The following GLI3 variants were observed in gnomAD, a reference collection of about 807,000 sequenced individuals.
GLI3 encodes transcription activator GLI3.
Under a neutral mutation model 100.8 loss-of-function variants are expected in GLI3, and 20 were observed. The observed-to-expected ratio is 0.20, with a 90% CI of 0.14 to 0.29. The LOEUF (loss-of-function observed/expected upper bound fraction) is 0.29, where lower values mean the gene tolerates loss of function less well. Among genes scored for constraint, GLI3 ranks in the 10% least tolerant of loss-of-function variants. The pLI is 1.00. For synonymous variants in GLI3, 938 were observed against 860.5 expected (o/e 1.09, Z -1.58); for missense variants, 2,040 against 2,128.5 (o/e 0.96, Z 0.82).
chr7:42,042,115 C>A (rs183921246), intron 6 of GLI3, among the ~76,000 whole-genome samples: 68 of 150,922 alleles, frequency 4.5e-4, no homozygotes, highest in Non-Finnish European at 8.2e-4. Context: ...CGAGTTCAAG[C>A]GATTCTTCTG....
chr7:42,183,864 C>T (rs1787667525), intron 2 of GLI3, among the ~76,000 whole-genome samples: 1 of 152,122 alleles, frequency 6.6e-6, no homozygotes, highest in Admixed American at 6.5e-5. Flanking sequence ...AGCTCTCCTC[C>T]TGCCCCACAT....
chr7:41,986,779 C>T (rs1007522407), intron 10 of GLI3, among the ~76,000 whole-genome samples: 12 of 151,550 alleles, frequency 7.9e-5, no homozygotes, highest in South Asian at 4.2e-4. Context: ...TCAAAACATA[C>T]GAATTGCTGT....
intron 1 of GLI3, among the ~76,000 whole-genome samples, chr7:42,249,524 G>T (rs1267541043): frequency 6.6e-6 from 1 of 152,100 alleles, no homozygotes; most frequent in Non-Finnish European, 1.5e-5. Flanking sequence ...AACCCAGAAA[G>T]ATTTAGTTTC....
chr7:42,175,197 C>A (rs540695120), intron 2 of GLI3, among the ~76,000 whole-genome samples: 1 of 152,170 alleles, frequency 6.6e-6, no homozygotes, highest in African/African-American at 2.4e-5. Flanking sequence ...TTGGGATTCA[C>A]CATTGATGCT....
intron 2 of GLI3, among the ~76,000 whole-genome samples, chr7:42,202,080 C>CAAA (rs35682171): frequency 7.1e-4 from 65 of 92,102 alleles, no homozygotes; most frequent in African/African-American, 1.7e-3. Context: ...GACTCCGTCT[C>CAAA]AAAAAAAAAA....
intron 10 of GLI3, among the ~76,000 whole-genome samples, chr7:42,019,382 TCA>T (rs1362951380): frequency 6.6e-6 from 1 of 152,028 alleles, no homozygotes. Context: ...ACCTCAAACA[TCA>T]AAGACCCAAA....
At chr7:42,250,771 G>T (rs1260108458) in intron 1 of GLI3, among the ~76,000 whole-genome samples, 1 of 152,152 alleles carries the variant, frequency 6.6e-6, no homozygotes, top group African/African-American at 2.4e-5. Flanking sequence ...CGGGTGGGGG[G>T]GCTGCCATTT....
intron 10 of GLI3, among the ~76,000 whole-genome samples, chr7:41,988,293 C>T (rs2128716782): frequency 6.6e-6 from 1 of 152,184 alleles, no homozygotes; most frequent in East Asian, 1.9e-4. Flanking sequence ...GAAACCCTGT[C>T]TCTACTAAAA....
chr7:42,057,366 C>T (rs1784484228), intron 4 of GLI3, among the ~76,000 whole-genome samples: 1 of 152,124 alleles, frequency 6.6e-6, no homozygotes, highest in Non-Finnish European at 1.5e-5. Context: ...GGATTTAGGC[C>T]AACAGGAACT....
At position 41,961,213 on chromosome 7, in the gene GLI3, A is replaced by T. The variant is rs1002324437; in HGVS notation, c.*3117T>A. ...AAAGGATTACACATTTTATTTTTTAAAAAAATCTAAAAAAGGTGAAAAAAA... is the reference window on the plus strand; with the variant it reads ...AAAGGATTACACATTTTATTTTTTATAAAAATCTAAAAAAGGTGAAAAAAA... On this transcript the variant is annotated 3_prime_UTR_variant, in exon 15 of 15. Coordinates refer to ENST00000395925, the MANE Select transcript of GLI3 (RefSeq NM_000168.6). 1 of 152,652 alleles carries T rather than the reference A, an allele frequency of 6.6e-6. No individual in the cohort carries two copies. Among genetic ancestry groups the T allele is most frequent in the African/African-American group, 2.4e-5 (1 of 41,454 alleles). 9.5% of individuals were successfully genotyped at this position (152,652 alleles called of 1,614,324 possible). A position where few individuals can be genotyped will look rare whatever the true frequency, so the allele number is the denominator to read the frequency against.
intron 1 of GLI3, among the ~76,000 whole-genome samples, chr7:42,234,949 T>G (rs867307789): frequency 1.3e-5 from 2 of 152,242 alleles, no homozygotes; most frequent in South Asian, 2.1e-4. Flanking sequence ...CTGGCCAAAG[T>G]GTTTGTGTAC....
At chr7:41,993,713 C>A (rs1026314286) in intron 10 of GLI3, among the ~76,000 whole-genome samples, 2 of 152,140 alleles carry the variant, frequency 1.3e-5, no homozygotes, top group Non-Finnish European at 2.9e-5. Context: ...TTGAAAACAA[C>A]AAGCTTTGGA....
chr7:42,187,885 C>T (rs1174230736), intron 2 of GLI3, among the ~76,000 whole-genome samples: 2 of 151,512 alleles, frequency 1.3e-5, no homozygotes, highest in Non-Finnish European at 2.9e-5. Context: ...CACCTGTAAT[C>T]CCATCTACTC....
chr7:42,106,922 G>A (rs1785589781), intron 3 of GLI3, among the ~76,000 whole-genome samples: 1 of 152,104 alleles, frequency 6.6e-6, no homozygotes, highest in Non-Finnish European at 1.5e-5. Context: ...AGGGGGCGGT[G>A]GGGAGGGCGG....
chr7:42,059,364 G>A (rs945889267), intron 4 of GLI3, among the ~76,000 whole-genome samples: 1 of 151,138 alleles, frequency 6.6e-6, no homozygotes, highest in Non-Finnish European at 1.5e-5. Context: ...GAGTTGGTAA[G>A]AAGGATAAAA....
intron 3 of GLI3, among the ~76,000 whole-genome samples, chr7:42,131,315 G>C (rs1006336515): frequency 6.6e-6 from 1 of 152,096 alleles, no homozygotes; most frequent in Non-Finnish European, 1.5e-5. Flanking sequence ...GTTGGGGAGT[G>C]GGGGGATGTA....
intron 3 of GLI3, among the ~76,000 whole-genome samples, chr7:42,132,263 G>A (rs889080690): frequency 5.1e-5 from 4 of 78,148 alleles, no homozygotes; most frequent in Non-Finnish European, 4.6e-5. Context: ...ACTACGCCCG[G>A]CTAATTTTTT....
chr7:41,968,963 C>G (rs1011603942), intron 13 of GLI3, among the ~76,000 whole-genome samples: 1 of 152,132 alleles, frequency 6.6e-6, no homozygotes, highest in Admixed American at 6.5e-5. Flanking sequence ...TTAATCTAGT[C>G]CACCGTAGTC....
intron 4 of GLI3, among the ~76,000 whole-genome samples, chr7:42,054,342 T>C (rs1210480277): frequency 6.6e-6 from 1 of 152,196 alleles, no homozygotes; most frequent in African/African-American, 2.4e-5. Context: ...AATGCCAAGA[T>C]TAAAATCACA....
Sources: gnomAD v4.1 joint callset for allele counts (sites outside exome capture counted in the v4.1 genomes callset) on GRCh38, gnomAD v4.1.1 for gene constraint, MANE v1.5 for transcripts, NCBI Gene and HGNC (gene_info 2026-07-23, HGNC 2026-07-21) for gene names.